HCRTR2: variants seen among roughly 807,000 people sequenced by gnomAD.
The protein encoded by HCRTR2 is orexin receptor type 2.
HCRTR2 carries 22 observed loss-of-function variants against 49.0 expected under a neutral mutation model. The observed-to-expected ratio is 0.45, with a 90% CI of 0.32 to 0.64. The LOEUF (loss-of-function observed/expected upper bound fraction) is 0.64, where lower values mean the gene tolerates loss of function less well. Ranked by LOEUF, HCRTR2 falls within the 30% of genes least tolerant of loss-of-function variation. The pLI, the probability that HCRTR2 is intolerant of heterozygous loss-of-function variation, is 0.04. For synonymous variants in HCRTR2, 236 were observed against 205.3 expected, an observed-to-expected ratio of 1.15 and a Z score of -1.28; for missense variants, 491 against 559.4, an observed-to-expected ratio of 0.88 and a Z score of 1.23.
intron 1 of HCRTR2, among the ~76,000 whole-genome samples, chr6:55,145,566 G>A (rs574581335): frequency 3.3e-5 from 5 of 151,888 alleles, no homozygotes; most frequent in East Asian, 3.9e-4. Flanking sequence ...GCCCGCCACC[G>A]TGCCTGGCTA....
rs576419053 is a variant in HCRTR2, at chr6:55,224,554, C to T, written c.224-24085C>T. Among the ~76,000 whole-genome samples, 25 of 151,238 alleles carry T rather than the reference C, an allele frequency of 1.7e-4. No individual in the cohort carries two copies. The South Asian group carries it at 3.1e-3, about 19-fold the overall frequency. ...AGGAGAATGGCGTGAACCCGGGAGG[C>T]GGAGCTTGCAGTGAGCCGAGGTTGT... On this transcript the variant is annotated intron_variant, in intron 1 of 6. Coordinates refer to ENST00000370862, the MANE Select transcript of HCRTR2 (RefSeq NM_001384272.1).
At chr6:55,237,973 C>A (rs1220844558) in intron 1 of HCRTR2, among the ~76,000 whole-genome samples, 16 of 152,234 alleles carry the variant, frequency 1.1e-4, no homozygotes, top group Admixed American at 1.0e-3. Flanking sequence ...CTTATCCACT[C>A]CACAAGCTTT....
upstream of HCRTR2, among the ~76,000 whole-genome samples, chr6:55,171,698 TAAA>T (rs1020189417): frequency 2.6e-5 from 4 of 152,172 alleles, no homozygotes; most frequent in African/African-American, 9.7e-5. Context: ...CAGCTTGTCA[TAAA>T]ATAAAGCAGG....
At chr6:55,263,686 T>C (rs1766810560) in intron 3 of HCRTR2, 21 bp from the exon 4 acceptor site, 1 of 1,310,044 alleles carries the variant, frequency 7.6e-7, no homozygotes, top group Non-Finnish European at 1.1e-6. Context: ...TAAGGTTTTG[T>C]TGTTTTGACT....
chr6:55,157,282 A>G lies in HCRTR2; in HGVS notation c.-377-16929A>G, dbSNP rs567821951. 5.1e-4 allele frequency among the ~76,000 whole-genome samples: 78 copies of G among 152,384 alleles called. 1 individual carries two copies. The South Asian group carries it at 7.2e-3, about 14-fold the overall frequency. ...AACAATTCCACTTGCAAGAGCATCAAAAAAGCATGAAAATCTTAGGAAGGA... is the reference window on the plus strand; with the variant it reads ...AACAATTCCACTTGCAAGAGCATCAGAAAAGCATGAAAATCTTAGGAAGGA... On this transcript the variant is annotated intron_variant, in intron 1 of 7. Coordinates refer to the HCRTR2 transcript ENST00000615358.
chr6:55,131,325 C>T (rs1206991040), intron 1 of HCRTR2, among the ~76,000 whole-genome samples: 1 of 151,584 alleles, frequency 6.6e-6, no homozygotes, highest in African/African-American at 2.4e-5. Flanking sequence ...AAAAGAAAAA[C>T]AAATGTAATT....
intron 1 of HCRTR2, among the ~76,000 whole-genome samples, chr6:55,179,728 A>G (rs1038744283): frequency 6.6e-6 from 1 of 152,192 alleles, no homozygotes; most frequent in African/African-American, 2.4e-5. Context: ...CAGTTTTTAG[A>G]AAACTGTCTT....
chr6:55,123,385 A>C (rs1022787699), intron 1 of HCRTR2, among the ~76,000 whole-genome samples: 1 of 152,160 alleles, frequency 6.6e-6, no homozygotes, highest in East Asian at 1.9e-4. Flanking sequence ...TGAGATAATC[A>C]TGTGGTTTTT....
intron 1 of HCRTR2, among the ~76,000 whole-genome samples, chr6:55,152,574 A>G (rs1764677909): frequency 6.6e-6 from 1 of 151,988 alleles, no homozygotes; most frequent in African/African-American, 2.4e-5. Flanking sequence ...ACAGAAATTT[A>G]TTTGCCAAAG....
intron 1 of HCRTR2, among the ~76,000 whole-genome samples, chr6:55,237,594 C>G (rs1766237703): frequency 6.6e-6 from 1 of 152,160 alleles, no homozygotes; most frequent in African/African-American, 2.4e-5. Flanking sequence ...TTGCAAATTG[C>G]CAAAAACTTT....
chr6:55,231,903 C>T (rs766746929), intron 1 of HCRTR2, among the ~76,000 whole-genome samples: 1 of 152,082 alleles, frequency 6.6e-6, no homozygotes, highest in Non-Finnish European at 1.5e-5. Context: ...TCAAATTTAA[C>T]GTGTTCCAAA....
intron 1 of HCRTR2, among the ~76,000 whole-genome samples, chr6:55,187,411 CAAAAAAAAAAAAAAAAAAAAAAAAAAAAA>C (rs57619664): frequency 3.0e-5 from 3 of 98,426 alleles, no homozygotes; most frequent in Non-Finnish European, 4.0e-5. Context: ...GACTCCGTCT[CAAAAAAAAAAAAAAAAAAAAAAAAAAAAA>C]AAAAAAAAAG....
At chr6:55,243,928 GTT>G (rs893146139) in intron 1 of HCRTR2, among the ~76,000 whole-genome samples, 1 of 152,214 alleles carries the variant, frequency 6.6e-6, no homozygotes, top group African/African-American at 2.4e-5. Context: ...GAAGCAGAAA[GTT>G]TTTTATTTTG....
rs1161667299 is a variant in HCRTR2, at chr6:55,151,021, AC to A, written c.-377-23187del. Among the ~76,000 whole-genome samples, 3 of 152,144 alleles carry A rather than the reference AC, an allele frequency of 2.0e-5. No individual in the cohort carries two copies. In the East Asian group the frequency reaches 5.8e-4, roughly 29 times the overall value. The stretch of plus-strand genomic sequence containing the variant: ...ATAGCTTTATATCTAAAAATTAAAT[AC>A]CCTGATTAAAAATATTTTATTACTA... On this transcript the variant is annotated intron_variant, in intron 1 of 7. Coordinates refer to the HCRTR2 transcript ENST00000615358.
chr6:55,229,100 A>G (rs553875108), intron 1 of HCRTR2, among the ~76,000 whole-genome samples: 79 of 152,370 alleles, frequency 5.2e-4, no homozygotes, highest in Non-Finnish European at 8.2e-4. Context: ...GATAACAAAC[A>G]TTAGCAAAAC....
At chr6:55,263,345 TA>T (rs1766803284) in intron 3 of HCRTR2, among the ~76,000 whole-genome samples, 1 of 151,998 alleles carries the variant, frequency 6.6e-6, no homozygotes, top group Non-Finnish European at 1.5e-5. Flanking sequence ...TTTTTGTAAA[TA>T]AAAGTTTAGA....
intron 4 of HCRTR2, among the ~76,000 whole-genome samples, chr6:55,265,093 G>C (rs1766837998): frequency 6.6e-6 from 1 of 151,740 alleles, no homozygotes; most frequent in African/African-American, 2.4e-5. Context: ...TTTCTTTTAT[G>C]ACCTTACAAG....
intron 1 of HCRTR2, among the ~76,000 whole-genome samples, chr6:55,158,919 C>T (rs752740297): frequency 1.3e-5 from 2 of 152,166 alleles, no homozygotes; most frequent in Non-Finnish European, 2.9e-5. Context: ...ACTCTGAAGA[C>T]AGCAGGGGAT....
intron 1 of HCRTR2, among the ~76,000 whole-genome samples, chr6:55,227,292 T>C (rs536019080): frequency 6.6e-6 from 1 of 152,306 alleles, no homozygotes; most frequent in African/African-American, 2.4e-5. Context: ...GATTACTTTT[T>C]CCATTACTCC....
Sources: gnomAD v4.1 joint callset for allele counts (sites outside exome capture counted in the v4.1 genomes callset) on GRCh38, gnomAD v4.1.1 for gene constraint, MANE v1.5 for transcripts, NCBI Gene and HGNC (gene_info 2026-07-23, HGNC 2026-07-21) for gene names.